ZDHHC8: variants seen among roughly 807,000 people sequenced by gnomAD.
ZDHHC8 encodes the protein palmitoyltransferase ZDHHC8.
In ZDHHC8, 24 loss-of-function variants were observed where a neutral mutation model predicts 61.2. The ratio of observed to expected loss-of-function variants is 0.39; its 90% confidence interval spans 0.28 to 0.55. ZDHHC8 has a LOEUF of 0.55. ZDHHC8 is among the 20% of genes least tolerant of loss of function. The pLI, the probability that ZDHHC8 is intolerant of heterozygous loss-of-function variation, is 0.60. For synonymous variants in ZDHHC8, 523 were observed against 492.5 expected (o/e 1.06, Z -0.82); for missense variants, 935 against 1,102.1 (o/e 0.85, Z 2.15).
At chr22:20,140,483 C>T (rs931849637) in intron 5 of ZDHHC8, 134 bp from the exon 6 acceptor site, 3 of 1,003,718 alleles carry the variant, frequency 3.0e-6, no homozygotes, top group Non-Finnish European at 4.3e-6. Flanking sequence ...GAGGGGCAGC[C>T]CTGGGCTGAT....
rs1221398607 is a variant in ZDHHC8 at position 20,146,344 on chromosome 22, CAG to C, written c.*945_*946del. On this transcript the variant is annotated 3_prime_UTR_variant, in exon 11 of 11. Coordinates refer to ENST00000334554, the MANE Select transcript of ZDHHC8 (RefSeq NM_013373.4). ...GAGGGGTCAGTGCTTCCCTTGGTGT[CAG>C]GGACCTGAGAGTAAGCACATGACAG... The C allele has an allele frequency of 1.0e-6, 1 of 985,548 alleles. No homozygotes were observed. The highest frequency in any genetic ancestry group is 1.2e-6 in the Non-Finnish European group (1 of 829,956). 61.1% of individuals were successfully genotyped at this position (985,548 alleles called of 1,614,324 possible).
In ZDHHC8 at chr22:20,141,479, G is replaced by A. The variant is rs778975414; in HGVS notation, c.1074G>A (p.Arg358=). The A allele has an allele frequency of 6.2e-7, 1 of 1,613,342 alleles. No homozygotes were observed. The highest frequency in any genetic ancestry group is 8.5e-7 in the Non-Finnish European group (1 of 1,179,940). ...SPPTPAMYKF[R]PAFPTGPKVP... ...CGACACCTGCCATGTACAAGTTTAG[G>A]CCGGCTTTCCCCACGGGTCCCAAGG... Residue 358 remains arginine, a synonymous_variant, in exon 9 of 11, where the codon AGG becomes AGA. Coordinates refer to ENST00000334554, the MANE Select transcript of ZDHHC8 (RefSeq NM_013373.4).
intron 1 of ZDHHC8, among the ~76,000 whole-genome samples, chr22:20,136,333 C>T (rs572886245): frequency 1.7e-4 from 26 of 152,252 alleles, no homozygotes; most frequent in Non-Finnish European, 3.1e-4. Flanking sequence ...TGTGGGAATG[C>T]GTGTCTTTGA....
rs992623189 is a variant in ZDHHC8, at chr22:20,146,319, G to T, written c.*919G>T. The stretch of plus-strand genomic sequence containing the variant: ...TCGCGCCGTGGGAAAGCACACTGGG[G>T]AGGGGTCAGTGCTTCCCTTGGTGTC... On this transcript the variant is annotated 3_prime_UTR_variant, in exon 11 of 11. Transcript: ENST00000334554. The T allele has an allele frequency of 7.1e-6, 7 of 985,584 alleles. No homozygotes were observed. The Admixed American group carries it at 4.3e-4, about 61-fold the overall frequency. The allele number at this position is 985,584 out of a possible 1,614,324, so 61.1% of individuals were successfully genotyped here. A position where few individuals can be genotyped will look rare whatever the true frequency, so the allele number is the denominator to read the frequency against.
At position 20,147,296 on chromosome 22, in the gene ZDHHC8, T is replaced by G. The variant is rs2050536980; in HGVS notation, c.*1896T>G. 7.3e-7 allele frequency: 1 copy of G among 1,367,336 alleles called. No individual in the cohort carries two copies. The highest frequency in any genetic ancestry group is 3.6e-5 in the Admixed American group (1 of 27,680). 84.7% of individuals were successfully genotyped at this position (1,367,336 alleles called of 1,614,324 possible). A position where few individuals can be genotyped will look rare whatever the true frequency, so the allele number is the denominator to read the frequency against. On this transcript the variant is annotated 3_prime_UTR_variant, in exon 11 of 11. Transcript: ENST00000334554. ...CAGCTGGGGACCCAGGAGGTCAGAC[T>G]GCAGTGGACCCTGGGGCAGGGCTGG...
Position 20,146,464 on chromosome 22 carries a change from C to A in ZDHHC8, c.*1064C>A. 1 of 985,970 alleles carries A rather than the reference C, an allele frequency of 1.0e-6. No individual in the cohort carries two copies. Among genetic ancestry groups the A allele is most frequent in the South Asian group, 4.7e-5 (1 of 21,296 alleles). 61.1% of individuals were successfully genotyped at this position (985,970 alleles called of 1,614,324 possible). On this transcript the variant is annotated 3_prime_UTR_variant, in exon 11 of 11. Coordinates refer to ENST00000334554, the MANE Select transcript of ZDHHC8 (RefSeq NM_013373.4). The stretch of plus-strand genomic sequence containing the variant: ...AAAAAGAAAAAGAGTTATTTTGATT[C>A]TTTCCTTGGGCAAGGCCAGGGCTAT...
rs913439581 is a variant in ZDHHC8 at position 20,146,375 on chromosome 22, C to G, written c.*975C>G. ...CCTGAGAGTAAGCACATGACAGCGT[C>G]TGCTTGCGTTGTGTCTGTTTTATGT... On this transcript the variant is annotated 3_prime_UTR_variant, in exon 11 of 11. Transcript: ENST00000334554. The G allele has an allele frequency of 6.4e-5, 63 of 985,524 alleles. No individual in the cohort carries two copies. Among genetic ancestry groups the G allele is most frequent in the Non-Finnish European group, 7.6e-5 (63 of 829,954 alleles). 61.0% of individuals were successfully genotyped at this position (985,524 alleles called of 1,614,324 possible). A position where few individuals can be genotyped will look rare whatever the true frequency, so the allele number is the denominator to read the frequency against.
intron 1 of ZDHHC8, among the ~76,000 whole-genome samples, chr22:20,133,437 G>A (rs2050394911): frequency 6.6e-6 from 1 of 152,152 alleles, no homozygotes; most frequent in African/African-American, 2.4e-5. Context: ...GACTTTAAAA[G>A]TAATGTGTGG....
At chr22:20,134,015 C>T (rs552262097) in intron 1 of ZDHHC8, among the ~76,000 whole-genome samples, 1 of 152,342 alleles carries the variant, frequency 6.6e-6, no homozygotes, top group Non-Finnish European at 1.5e-5. Flanking sequence ...GTTTCCCCTC[C>T]TCTGTTCTGG....
At chr22:20,134,343 C>T (rs180714896) in intron 1 of ZDHHC8, among the ~76,000 whole-genome samples, 100 of 152,374 alleles carry the variant, frequency 6.6e-4, no homozygotes, top group African/African-American at 2.3e-3. Context: ...TGAACTCCTC[C>T]GAGACTGCTC....
Position 20,147,397 on chromosome 22 carries a change from C to A in ZDHHC8, c.*1997C>A. On this transcript the variant is annotated 3_prime_UTR_variant, in exon 11 of 11. Transcript: ENST00000334554. ...CCTGCCAGGGCCTGAGACCCTGTGTCCACATGACCTCAGGGAGTCCCCCAC... is the reference window on the plus strand; with the variant it reads ...CCTGCCAGGGCCTGAGACCCTGTGTACACATGACCTCAGGGAGTCCCCCAC... 1.5e-6 allele frequency: 1 copy of A among 686,222 alleles called. No homozygotes were observed. The highest frequency in any genetic ancestry group is 2.2e-6 in the Non-Finnish European group (1 of 448,694). The allele number at this position is 686,222 out of a possible 1,614,324, so 42.5% of individuals were successfully genotyped here. A position where few individuals can be genotyped will look rare whatever the true frequency, so the allele number is the denominator to read the frequency against.
At position 20,143,226 on chromosome 22, in the gene ZDHHC8, C is replaced by T; in HGVS notation, c.1596C>T (p.Arg532=). The change falls in exon 10 of 11, where the codon CGC becomes CGT. Residue 532 remains arginine, a synonymous_variant. Coordinates refer to ENST00000334554, the MANE Select transcript of ZDHHC8 (RefSeq NM_013373.4). ...GCTTCAGCCCCGTGCTGGGCCCCCG[C>T]CCCCGGGAGCCCTCGCCTGTGCGCT... The part of the protein sequence containing the change: ...PRSFSPVLGP[R]PREPSPVRYD... The T allele has an allele frequency of 1.2e-6, 2 of 1,607,036 alleles. No homozygotes were observed. The highest frequency in any genetic ancestry group is 1.7e-6 in the Non-Finnish European group (2 of 1,179,404).
At position 20,146,383 on chromosome 22, in the gene ZDHHC8, G is replaced by A. The variant is rs1425026689; in HGVS notation, c.*983G>A. The A allele has an allele frequency of 4.1e-6, 4 of 985,460 alleles. No individual in the cohort carries two copies. Among genetic ancestry groups the A allele is most frequent in the African/African-American group, 1.7e-5 (1 of 57,224 alleles). 61.0% of individuals were successfully genotyped at this position (985,460 alleles called of 1,614,324 possible). On this transcript the variant is annotated 3_prime_UTR_variant, in exon 11 of 11. Coordinates refer to ENST00000334554, the MANE Select transcript of ZDHHC8 (RefSeq NM_013373.4). The stretch of plus-strand genomic sequence containing the variant: ...TAAGCACATGACAGCGTCTGCTTGC[G>A]TTGTGTCTGTTTTATGTTTTTATAT...
At chr22:20,140,294 G>A in intron 5 of ZDHHC8, 77 bp downstream of exon 5, 1 of 1,403,652 alleles carries the variant, frequency 7.1e-7, no homozygotes, top group Non-Finnish European at 9.7e-7. Flanking sequence ...GTGGGGGCTG[G>A]GGCACCCTTG....
At chr22:20,132,897 A>G (rs1292237278) in intron 1 of ZDHHC8, among the ~76,000 whole-genome samples, 1 of 152,188 alleles carries the variant, frequency 6.6e-6, no homozygotes, top group Non-Finnish European at 1.5e-5. Flanking sequence ...CTTCGGTTGC[A>G]CAGATCTTCA....
chr22:20,137,412 C>G (rs577635263), intron 1 of ZDHHC8, among the ~76,000 whole-genome samples: 1 of 152,216 alleles, frequency 6.6e-6, no homozygotes, highest in African/African-American at 2.4e-5. Flanking sequence ...AGAGGGGCCC[C>G]GAGGCTTCCA....
chr22:20,139,147 G>A (rs769398927), intron 1 of ZDHHC8, 47 bp from the exon 2 acceptor site: 19 of 1,592,026 alleles, frequency 1.2e-5, no homozygotes, highest in Non-Finnish European at 1.3e-5. Context: ...GCCTGCATCC[G>A]CTCTGCACCC....
intron 1 of ZDHHC8, 57 bp downstream of exon 1, chr22:20,132,108 C>G: frequency 9.4e-7 from 1 of 1,066,486 alleles, no homozygotes; most frequent in Non-Finnish European, 1.2e-6. Context: ...GCCCGCACAG[C>G]CCGGGCACGG....
chr22:20,143,174 G>A lies in ZDHHC8; in HGVS notation c.1544G>A (p.Gly515Asp), dbSNP rs140358751. The A allele has an allele frequency of 1.0e-4, 165 of 1,610,674 alleles. 1 individual carries two copies. The African/African-American group carries it at 2.1e-3, about 20-fold the overall frequency. ...CCCTACCTGCATCCTGGGGCAACGG[G>A]CGACCCGCCACGGCCCCTACCCCGC... The part of the protein sequence containing the change: ...HSPYLHPGAT[G>D]DPPRPLPRSF... Residue 515 changes from glycine to aspartate, a missense_variant, in exon 10 of 11, where the codon GGC becomes GAC. By Grantham distance (94) the Gly-to-Asp change is moderately conservative. Around this residue, in one of 3 missense-constraint regions of ZDHHC8, gnomAD observed 692 missense variants for 731.4 expected, o/e 0.95. Coordinates refer to ENST00000334554, the MANE Select transcript of ZDHHC8 (RefSeq NM_013373.4).
Sources: gnomAD v4.1 joint callset for allele counts (sites outside exome capture counted in the v4.1 genomes callset) on GRCh38, gnomAD v4.1.1 for gene constraint, gnomAD v4.1.1 regional missense constraint, MANE v1.5 for transcripts, NCBI Gene and HGNC (gene_info 2026-07-23, HGNC 2026-07-21) for gene names.